CHLSN: variants seen among roughly 807,000 people sequenced by gnomAD.
The protein encoded by CHLSN is protein cholesin.
the CHLSN span, among the ~76,000 whole-genome samples, chr7:998,802 G>A: frequency 6.6e-6 from 1 of 152,150 alleles, no homozygotes; most frequent in African/African-American, 2.4e-5. Flanking sequence ...TGTCGCTTGT[G>A]CTTCTAGAGT....
chr7:1,044,982 C>T, the CHLSN span, among the ~76,000 whole-genome samples: 2 of 152,286 alleles, frequency 1.3e-5, no homozygotes, highest in African/African-American at 4.8e-5. Context: ...TGATCCTGCT[C>T]TCCTGGGCCA....
the CHLSN span, among the ~76,000 whole-genome samples, chr7:1,019,023 C>T: frequency 6.6e-6 from 1 of 151,942 alleles, no homozygotes; most frequent in Non-Finnish European, 1.5e-5. Flanking sequence ...GGTGAAACCC[C>T]GTCTCTACTA....
the CHLSN span, among the ~76,000 whole-genome samples, chr7:1,022,241 GT>G: frequency 6.6e-6 from 1 of 152,322 alleles, no homozygotes; most frequent in African/African-American, 2.4e-5. Flanking sequence ...GGGGAGGCAT[GT>G]CCCCACCCAC....
At chr7:1,070,698 G>A in the CHLSN span, among the ~76,000 whole-genome samples, 258 of 140,116 alleles carry the variant, frequency 1.8e-3, no homozygotes, top group Non-Finnish European at 2.9e-3. Context: ...ACATGCACAC[G>A]CGAGCACATG....
the CHLSN span, chr7:997,256 T>C: frequency 5.3e-6 from 1 of 187,016 alleles, no homozygotes; most frequent in African/African-American, 2.3e-5. Context: ...GGAGCCAGCA[T>C]GCCCCAATCT....
the CHLSN span, among the ~76,000 whole-genome samples, chr7:1,038,229 C>A: frequency 1.1e-5 from 1 of 91,342 alleles, no homozygotes; most frequent in Non-Finnish European, 2.5e-5. Flanking sequence ...CCCCGACCGG[C>A]CAGCCGTGCC....
the CHLSN span, among the ~76,000 whole-genome samples, chr7:1,063,530 C>T: frequency 6.6e-5 from 10 of 152,216 alleles, no homozygotes; most frequent in South Asian, 2.1e-4. Flanking sequence ...TTCAGGCGTT[C>T]GTGCACGAAG....
At chr7:1,013,208 T>C in the CHLSN span, among the ~76,000 whole-genome samples, 3 of 152,216 alleles carry the variant, frequency 2.0e-5, no homozygotes, top group African/African-American at 7.2e-5. Context: ...GAACTTTCTC[T>C]AACTGCCACC....
At chr7:1,017,269 T>A in the CHLSN span, among the ~76,000 whole-genome samples, 1 of 152,184 alleles carries the variant, frequency 6.6e-6, no homozygotes, top group Non-Finnish European at 1.5e-5. Context: ...AGGAGCTCCC[T>A]GCTCAAATTG....
At chr7:1,132,694 TAAAAAAA>T in the CHLSN span, among the ~76,000 whole-genome samples, 3 of 107,010 alleles carry the variant, frequency 2.8e-5, no homozygotes, top group African/African-American at 1.2e-4. Flanking sequence ...AACCTGTCTT[TAAAAAAA>T]AAAAAAAAAA....
chr7:1,018,712 G>T, the CHLSN span, among the ~76,000 whole-genome samples: 630 of 152,260 alleles, frequency 4.1e-3, 1 homozygote, highest in Middle Eastern at 0.024. Flanking sequence ...TTGAGCCCAG[G>T]AATTCGAGAC....
At chr7:1,102,680 G>A in the CHLSN span, among the ~76,000 whole-genome samples, 29,074 of 152,164 alleles carry the variant, frequency 0.19, 3,230 homozygotes, top group Middle Eastern at 0.33. Context: ...TGGAGAACAG[G>A]TGACCCACTG....
chr7:1,020,127 A>G, the CHLSN span, among the ~76,000 whole-genome samples: 1 of 142,432 alleles, frequency 7.0e-6, no homozygotes, highest in African/African-American at 2.7e-5. Context: ...CACGGGCACC[A>G]GGCCCAGCAG....
At chr7:1,009,032 TACACACATGCACACAC>T in the CHLSN span, among the ~76,000 whole-genome samples, 2 of 78,186 alleles carry the variant, frequency 2.6e-5, no homozygotes, top group African/African-American at 1.9e-4. Context: ...TGCACACACG[TACACACATGCACACAC>T]GTACACGTGC....
the CHLSN span, among the ~76,000 whole-genome samples, chr7:978,939 G>A: frequency 6.6e-6 from 1 of 152,212 alleles, no homozygotes; most frequent in Non-Finnish European, 1.5e-5. Context: ...CAGGCAGGTG[G>A]GCTCAGTGTC....
the CHLSN span, among the ~76,000 whole-genome samples, chr7:1,103,996 G>A: frequency 6.6e-6 from 1 of 152,260 alleles, no homozygotes; most frequent in Non-Finnish European, 1.5e-5. Flanking sequence ...TCCAAGCTCT[G>A]TGCTTTGGGA....
chr7:1,084,032 A>T, the CHLSN span, among the ~76,000 whole-genome samples: 1 of 152,274 alleles, frequency 6.6e-6, no homozygotes, highest in African/African-American at 2.4e-5. Flanking sequence ...GATGGAAGAC[A>T]TGGCAAGTCT....
the CHLSN span, chr7:1,078,022 A>G: frequency 8.5e-5 from 13 of 152,180 alleles, no homozygotes; most frequent in African/African-American, 2.7e-4. Context: ...GCTTCTCTAT[A>G]CTACAGATTG....
At chr7:988,272 CA>C in the CHLSN span, 3 of 1,575,604 alleles carry the variant, frequency 1.9e-6, no homozygotes, top group African/African-American at 4.0e-5. Context: ...CGGCTGCCCC[CA>C]CAGGGCACGC....
Sources: gnomAD v4.1 joint callset for allele counts (sites outside exome capture counted in the v4.1 genomes callset) on GRCh38, gnomAD v4.1.1 for gene constraint, MANE v1.5 for transcripts, NCBI Gene and HGNC (gene_info 2026-07-23, HGNC 2026-07-21) for gene names.